MMADHC: variants seen among roughly 807,000 people sequenced by gnomAD.
MMADHC encodes metabolism of cobalamin associated D.
In MMADHC, 23 loss-of-function variants were observed where a neutral mutation model predicts 36.3. The ratio of observed to expected loss-of-function variants is 0.63; its 90% confidence interval spans 0.46 to 0.90. The LOEUF is 0.90. MMADHC is among the 40% of genes least tolerant of loss of function. The pLI is 0.00. For synonymous variants in MMADHC, 97 were observed against 116.1 expected (o/e 0.84, Z 1.06); for missense variants, 330 against 348.0 (o/e 0.95, Z 0.41).
Position 149,569,848 on chromosome 2 carries a change from T to C in MMADHC, c.*126A>G, listed in dbSNP as rs6923. The stretch of plus-strand genomic sequence containing the variant: ...AATCCCAAATCACTTGCCAATGTTG[T>C]AAATTCATAAATGCTGAAATAAATA... On this transcript the variant is annotated 3_prime_UTR_variant, in exon 8 of 8. Coordinates refer to ENST00000303319, the MANE Select transcript of MMADHC (RefSeq NM_015702.3). The C allele has an allele frequency of 0.58, 535,264 of 916,652 alleles. 161,443 individuals carry two copies. The highest frequency in any genetic ancestry group is 0.87 in the East Asian group (32,684 of 37,454). 56.8% of individuals were successfully genotyped at this position (916,652 alleles called of 1,614,324 possible). A position where few individuals can be genotyped will look rare whatever the true frequency, so the allele number is the denominator to read the frequency against.
intron 2 of MMADHC, among the ~76,000 whole-genome samples, chr2:149,582,504 C>T (rs1312724930): frequency 6.6e-6 from 1 of 151,952 alleles, no homozygotes; most frequent in Non-Finnish European, 1.5e-5. Context: ...ATGTACTTTT[C>T]AATAAAGGCT....
In MMADHC at chr2:149,570,058, G is replaced by A. The variant is rs1382927782; in HGVS notation, c.807C>T (p.Leu269=). Residue 269 remains leucine (L), a synonymous_variant, in exon 8 of 8, where the codon CTC becomes CTT. Transcript: ENST00000303319. ...TCCCTACAACTACATGGGTACCCCAGAGACTATGACGAATCACTTTACAGC... is the reference window on the plus strand; with the variant it reads ...TCCCTACAACTACATGGGTACCCCAAAGACTATGACGAATCACTTTACAGC... ...LGCCKVIRHS[L]WGTHVVVGSI... The A allele has an allele frequency of 6.2e-7, 1 of 1,613,736 alleles. No individual in the cohort carries two copies. The highest frequency in any genetic ancestry group is 1.7e-5 in the Admixed American group (1 of 60,020).
At chr2:149,578,461 C>T (rs1343903504) in intron 4 of MMADHC, among the ~76,000 whole-genome samples, 1 of 152,052 alleles carries the variant, frequency 6.6e-6, no homozygotes, top group South Asian at 2.1e-4. Context: ...GACATCCAAA[C>T]AAAGATGGTT....
At position 149,572,232 on chromosome 2, in the gene MMADHC, G is replaced by C. The variant is rs747282939; in HGVS notation, c.610-1061C>G. ...TAAAAACAAGGGCACATAGCTACTC[G>C]GGAGGCTGAAGCAGAAGAATTGCTT... On this transcript the variant is annotated intron_variant, in intron 6 of 7. Transcript: ENST00000303319. The C allele has an allele frequency of 2.0e-4, 85 of 427,406 alleles. 2 individuals are homozygous for C. Among genetic ancestry groups the C allele is most frequent in the South Asian group, 8.1e-4 (50 of 61,474 alleles). 26.5% of individuals were successfully genotyped at this position (427,406 alleles called of 1,614,324 possible). A position where few individuals can be genotyped will look rare whatever the true frequency, so the allele number is the denominator to read the frequency against.
Position 149,576,555 on chromosome 2 carries a change from A to G in MMADHC, c.373-13T>C, listed in dbSNP as rs373997832. The G allele has an allele frequency of 1.7e-5, 27 of 1,557,398 alleles. No individual in the cohort carries two copies. Among genetic ancestry groups the G allele is most frequent in the Non-Finnish European group, 2.2e-5 (25 of 1,128,680 alleles). Reference sequence around the variant, plus strand: ...GTGCATCATTACCCTAAGGGGAACAAGGATATAAGTCAACAAAATCTGGAG... The same window carrying G: ...GTGCATCATTACCCTAAGGGGAACAGGGATATAAGTCAACAAAATCTGGAG... On this transcript the variant is annotated splice_polypyrimidine_tract_variant and intron_variant, in intron 4 of 7. Coordinates refer to ENST00000303319, the MANE Select transcript of MMADHC (RefSeq NM_015702.3).
chr2:149,581,639 A>G (rs565608898), intron 3 of MMADHC, among the ~76,000 whole-genome samples: 2 of 152,326 alleles, frequency 1.3e-5, no homozygotes, highest in South Asian at 4.1e-4. Context: ...TCTGGGAACT[A>G]CTGCTGAAAG....
intron 2 of MMADHC, among the ~76,000 whole-genome samples, chr2:149,583,597 G>A (rs1403885734): frequency 6.6e-6 from 1 of 152,180 alleles, no homozygotes; most frequent in African/African-American, 2.4e-5. Context: ...TATAAAAAAT[G>A]GACTGGAGGA....
chr2:149,585,664 C>T (rs4233805), intron 2 of MMADHC, among the ~76,000 whole-genome samples: 120,883 of 152,088 alleles, frequency 0.79, 50,319 homozygotes, highest in Non-Finnish European at 0.91. Context: ...GGCTTTGTCA[C>T]AGTCCCCATG....
chr2:149,578,312 G>A (rs1331000767), intron 4 of MMADHC, among the ~76,000 whole-genome samples: 1 of 152,080 alleles, frequency 6.6e-6, no homozygotes, highest in Non-Finnish European at 1.5e-5. Flanking sequence ...AAAGAAGGTT[G>A]GTGCTATAAG....
chr2:149,573,027 G>A (rs145282427), intron 6 of MMADHC, among the ~76,000 whole-genome samples: 4 of 152,238 alleles, frequency 2.6e-5, no homozygotes, highest in African/African-American at 7.2e-5. Context: ...ATTGTCTACA[G>A]ATGCTTTAAC....
intron 3 of MMADHC, 121 bp downstream of exon 3, chr2:149,582,006 T>C (rs1682800907): frequency 9.0e-7 from 1 of 1,106,260 alleles, no homozygotes; most frequent in Admixed American, 2.1e-5. Context: ...TGATTCATTT[T>C]CAACTGAACA....
intron 1 of MMADHC, 183 bp from the exon 2 acceptor site, chr2:149,587,332 G>A (rs1682888282): frequency 1.3e-5 from 8 of 598,744 alleles, no homozygotes; most frequent in East Asian, 5.6e-5. Flanking sequence ...CCAGCCCGGA[G>A]CCGGCAGTGC....
intron 2 of MMADHC, among the ~76,000 whole-genome samples, chr2:149,585,400 C>T (rs919930517): frequency 5.3e-5 from 8 of 152,180 alleles, no homozygotes; most frequent in African/African-American, 1.9e-4. Flanking sequence ...ATGGTCTGTA[C>T]AAAAACTAAA....
chr2:149,578,219 T>C (rs1443359161), intron 4 of MMADHC, among the ~76,000 whole-genome samples: 1 of 152,130 alleles, frequency 6.6e-6, no homozygotes, highest in Non-Finnish European at 1.5e-5. Context: ...TGGCAAAGAA[T>C]TGAAAGGACA....
At chr2:149,583,945 A>C (rs537724782) in intron 2 of MMADHC, among the ~76,000 whole-genome samples, 28 of 152,306 alleles carry the variant, frequency 1.8e-4, no homozygotes, top group African/African-American at 5.8e-4. Flanking sequence ...AAATTCTAGC[A>C]AATTCTTACT....
At position 149,569,653 on chromosome 2, in the gene MMADHC, GATTT is replaced by G. The variant is rs1037225939; in HGVS notation, c.*317_*320del. Reference sequence around the variant, plus strand: ...CACACATTATTGTAACCAAATGTGTGATTTATTTTGGGAAGAAAATAATTAAAAC... The same window carrying G: ...CACACATTATTGTAACCAAATGTGTGATTTTGGGAAGAAAATAATTAAAAC... On this transcript the variant is annotated 3_prime_UTR_variant, in exon 8 of 8. Transcript: ENST00000303319. 4.7e-5 allele frequency: 9 copies of G among 190,772 alleles called. No individual in the cohort carries two copies. Among genetic ancestry groups the G allele is most frequent in the African/African-American group, 1.9e-4 (8 of 42,698 alleles). The allele number at this position is 190,772 out of a possible 1,614,324, so 11.8% of individuals were successfully genotyped here. A position where few individuals can be genotyped will look rare whatever the true frequency, so the allele number is the denominator to read the frequency against.
At chr2:149,584,865 G>A (rs1243773982) in intron 2 of MMADHC, among the ~76,000 whole-genome samples, 6 of 151,704 alleles carry the variant, frequency 4.0e-5, no homozygotes, top group South Asian at 2.1e-4. Context: ...GTGAAACCCC[G>A]TTTCTACTAA....
At chr2:149,581,090 TC>T in intron 3 of MMADHC, among the ~76,000 whole-genome samples, 1 of 152,332 alleles carries the variant, frequency 6.6e-6, no homozygotes, top group South Asian at 2.1e-4. Context: ...AAAACAAGCA[TC>T]CCATATTAAT....
In MMADHC at chr2:149,579,312, T is replaced by C. The variant is rs562844486; in HGVS notation, c.372+119A>G. 7 of 934,048 alleles carry C rather than the reference T, an allele frequency of 7.5e-6. No individual in the cohort carries two copies. The Admixed American group carries it at 1.2e-4, about 16-fold the overall frequency. 57.9% of individuals were successfully genotyped at this position (934,048 alleles called of 1,614,324 possible). ...AAGCTATATATGCTGTTTTTGTATA[T>C]ACATGTACTGGAATTAAATTGATTT... is the stretch of plus-strand genomic sequence containing the variant. On this transcript the variant is annotated intron_variant, in intron 4 of 7. Coordinates refer to ENST00000303319, the MANE Select transcript of MMADHC (RefSeq NM_015702.3).
Sources: gnomAD v4.1 joint callset for allele counts (sites outside exome capture counted in the v4.1 genomes callset) on GRCh38, gnomAD v4.1.1 for gene constraint, MANE v1.5 for transcripts, NCBI Gene and HGNC (gene_info 2026-07-23, HGNC 2026-07-21) for gene names.